Variants in NIPAL3 observed in about 807,000 individuals in gnomAD.
The protein encoded by NIPAL3 is NIPA-like protein 3.
A neutral mutation model predicts 47.2 loss-of-function variants in NIPAL3; 41 were observed. The ratio of observed to expected loss-of-function variants is 0.87; its 90% CI spans 0.68 to 1.13. NIPAL3 has a LOEUF of 1.13. Ranked by LOEUF, NIPAL3 falls within the 50% of genes most tolerant of loss-of-function variation. NIPAL3 has a pLI of 0.00. For synonymous variants in NIPAL3, 194 were observed against 209.6 expected (o/e 0.93, Z 0.64); for missense variants, 449 against 530.1 (o/e 0.85, Z 1.50).
chr1:24,447,780 A>C (rs771614065), intron 5 of NIPAL3, among the ~76,000 whole-genome samples: 1 of 152,228 alleles, frequency 6.6e-6, no homozygotes, highest in Non-Finnish European at 1.5e-5. Context: ...GACTTGGAAA[A>C]AGAAGGCCCC....
At position 24,470,879 on chromosome 1, in the gene NIPAL3, G is replaced by C. The variant is rs138546684; in HGVS notation, c.*1694G>C. On this transcript the variant is annotated 3_prime_UTR_variant, in exon 12 of 12. Coordinates refer to ENST00000374399, the MANE Select transcript of NIPAL3 (RefSeq NM_020448.5). ...AGTGGGCCCCTTTCCCTTAGGATGG[G>C]TATCAATTCAACAATATTTATAAGG... 181 of 152,316 alleles carry C rather than the reference G, an allele frequency of 1.2e-3. No individual in the cohort carries two copies. The highest frequency in any genetic ancestry group is 4.1e-3 in the African/African-American group (170 of 41,566). 9.4% of individuals were successfully genotyped at this position (152,316 alleles called of 1,614,324 possible).
Position 24,454,246 on chromosome 1 carries a change from G to A in NIPAL3, c.637+742G>A. 1 of 1,172,974 alleles carries A rather than the reference G, an allele frequency of 8.5e-7. No individual in the cohort carries two copies. Among genetic ancestry groups the A allele is most frequent in the Non-Finnish European group, 1.1e-6 (1 of 936,346 alleles). 72.7% of individuals were successfully genotyped at this position (1,172,974 alleles called of 1,614,324 possible). A position where few individuals can be genotyped will look rare whatever the true frequency, so the allele number is the denominator to read the frequency against. The stretch of plus-strand genomic sequence containing the variant: ...GAGCTGTGGGGAATCCATCCTTCCT[G>A]AGGAGAAGCAGACAGAGGCGGAGGA... On this transcript the variant is annotated intron_variant, in intron 7 of 11. Transcript: ENST00000374399. The surrounding 1 kb of genome is among the most constrained non-coding windows in gnomAD (Gnocchi z 4.1).
At chr1:24,422,902 AG>A (rs1379567461) in intron 2 of NIPAL3, among the ~76,000 whole-genome samples, 1 of 152,262 alleles carries the variant, frequency 6.6e-6, no homozygotes, top group East Asian at 1.9e-4. Flanking sequence ...GTATGCATAC[AG>A]AAAAATATAC....
intron 9 of NIPAL3, 151 bp from the exon 10 acceptor site, chr1:24,460,330 C>G: frequency 1.6e-6 from 1 of 638,588 alleles, no homozygotes; most frequent in Non-Finnish European, 2.7e-6. Flanking sequence ...CCCTAAATGG[C>G]TTTTATTCCT....
At chr1:24,455,629 G>A (rs1368607260) in intron 7 of NIPAL3, among the ~76,000 whole-genome samples, 3 of 151,950 alleles carry the variant, frequency 2.0e-5, no homozygotes, top group Non-Finnish European at 2.9e-5. Context: ...GACCTGCCTG[G>A]GCAATATAGC....
intron 2 of NIPAL3, among the ~76,000 whole-genome samples, chr1:24,429,565 G>A (rs1250029685): frequency 6.6e-6 from 1 of 152,052 alleles, no homozygotes; most frequent in South Asian, 2.1e-4. Flanking sequence ...CCAAAATTGG[G>A]CAGGCACTCA....
At chr1:24,453,952 T>C in intron 7 of NIPAL3, 1 of 432,502 alleles carries the variant, frequency 2.3e-6, no homozygotes, top group Non-Finnish European at 4.5e-6. Context: ...TATTTTTTCT[T>C]TTCCTTTTAG....
chr1:24,462,050 C>T (rs1377117216), intron 10 of NIPAL3, among the ~76,000 whole-genome samples: 1 of 152,128 alleles, frequency 6.6e-6, no homozygotes, highest in Non-Finnish European at 1.5e-5. Flanking sequence ...CTGGGGAGGC[C>T]TCAGGAAACT....
At chr1:24,468,609 A>G (rs1362397413) in intron 11 of NIPAL3, among the ~76,000 whole-genome samples, 1 of 152,168 alleles carries the variant, frequency 6.6e-6, no homozygotes, top group East Asian at 1.9e-4. Flanking sequence ...ACAGTGTAAC[A>G]AAGTTTCCTG....
At chr1:24,427,173 G>A (rs1291995873) in intron 2 of NIPAL3, among the ~76,000 whole-genome samples, 1 of 152,180 alleles carries the variant, frequency 6.6e-6, no homozygotes, top group Non-Finnish European at 1.5e-5. Context: ...GCAGAACTGG[G>A]CACCCGCATT....
intron 8 of NIPAL3, among the ~76,000 whole-genome samples, chr1:24,458,545 C>T (rs1453535088): frequency 6.6e-6 from 1 of 150,676 alleles, no homozygotes; most frequent in Admixed American, 6.6e-5. Context: ...ATAAGAGATG[C>T]AGGAATGGCT....
intron 2 of NIPAL3, among the ~76,000 whole-genome samples, chr1:24,424,731 C>T (rs1169268298): frequency 6.6e-6 from 1 of 152,104 alleles, no homozygotes; most frequent in African/African-American, 2.4e-5. Context: ...CCTGAGTGGC[C>T]AGCTTGGGTA....
intron 2 of NIPAL3, among the ~76,000 whole-genome samples, chr1:24,423,167 C>G (rs757303640): frequency 6.6e-6 from 1 of 152,210 alleles, no homozygotes; most frequent in Non-Finnish European, 1.5e-5. Flanking sequence ...ATTGAAGGTG[C>G]TGAGTGCTTT....
rs1207851620 is a variant in NIPAL3 at position 24,472,475 on chromosome 1, C to G, written c.*3290C>G. ...CATGGCTCTGACGTCCCCAAGCCCT[C>G]TTGAATGTTGCAAGCAATGTTAAAT... is the stretch of plus-strand genomic sequence containing the variant. On this transcript the variant is annotated 3_prime_UTR_variant, in exon 12 of 12. Transcript: ENST00000374399. The G allele has an allele frequency of 6.6e-6, 1 of 152,160 alleles. No homozygotes were observed. 9.4% of individuals were successfully genotyped at this position (152,160 alleles called of 1,614,324 possible).
rs1013634279 is a variant in NIPAL3 at position 24,454,534 on chromosome 1, G to T, written c.637+1030G>T. 1.0e-6 allele frequency: 1 copy of T among 988,758 alleles called. No homozygotes were observed. Among genetic ancestry groups the T allele is most frequent in the Non-Finnish European group, 1.2e-6 (1 of 832,096 alleles). The allele number at this position is 988,758 out of a possible 1,614,324, so 61.2% of individuals were successfully genotyped here. A position where few individuals can be genotyped will look rare whatever the true frequency, so the allele number is the denominator to read the frequency against. On this transcript the variant is annotated intron_variant, in intron 7 of 11. Transcript: ENST00000374399. The surrounding 1 kb of genome is among the most constrained non-coding windows in gnomAD (Gnocchi z 4.1). ...AATAGATACCTGTCACCGAAGACAGGGTTTCCTTAATTTTTTAACAGCTCT... is the reference window on the plus strand; with the variant it reads ...AATAGATACCTGTCACCGAAGACAGTGTTTCCTTAATTTTTTAACAGCTCT...
At chr1:24,462,599 TCTA>T (rs1413777531) in intron 10 of NIPAL3, among the ~76,000 whole-genome samples, 1 of 151,008 alleles carries the variant, frequency 6.6e-6, no homozygotes, top group African/African-American at 2.4e-5. Flanking sequence ...AAACCCTGTC[TCTA>T]CTAAAAATAC....
rs542822449 is a variant in NIPAL3 at position 24,458,715 on chromosome 1, G to A, written c.774-173G>A. On this transcript the variant is annotated intron_variant, in intron 8 of 11. Coordinates refer to ENST00000374399, the MANE Select transcript of NIPAL3 (RefSeq NM_020448.5). ...GGGGAAGAGTGGGAATCAAGTATGG[G>A]CCCCAGACTAGGGATACACAATGTC... Among the ~76,000 whole-genome samples the A allele has an allele frequency of 3.9e-5, 6 of 152,220 alleles. No individual in the cohort carries two copies. The South Asian group carries it at 1.2e-3, about 32-fold the overall frequency.
intron 11 of NIPAL3, chr1:24,466,124 A>C: frequency 6.3e-7 from 1 of 1,593,876 alleles, no homozygotes; most frequent in Non-Finnish European, 8.5e-7. Context: ...CTTAAAAATG[A>C]GATCGAGAAA....
intron 7 of NIPAL3, among the ~76,000 whole-genome samples, chr1:24,453,742 T>C (rs901996175): frequency 6.6e-6 from 1 of 152,114 alleles, no homozygotes; most frequent in Non-Finnish European, 1.5e-5. Flanking sequence ...ACTAGCCAAA[T>C]TCATAGGTCA....
Sources: allele counts gnomAD v4.1 joint callset (sites outside exome capture counted in the v4.1 genomes callset), GRCh38; gene constraint gnomAD v4.1.1; non-coding constraint Gnocchi (gnomAD v3.1); transcripts MANE v1.5; gene names NCBI Gene and HGNC (gene_info 2026-07-23, HGNC 2026-07-21).